Variants in BTG2 observed in about 807,000 individuals in gnomAD.
BTG2 encodes BTG anti-proliferation factor 2.
BTG2 carries 9 observed loss-of-function variants against 13.1 expected under a neutral mutation model. The ratio of observed to expected loss-of-function variants is 0.69; its 90% CI spans 0.41 to 1.20. The LOEUF (loss-of-function observed/expected upper bound fraction) is 1.20. Among genes scored for constraint, BTG2 ranks in the 50% most tolerant of loss-of-function variants. The pLI is 0.00. For missense variants in BTG2, 200 were observed against 209.5 expected, an observed-to-expected ratio of 0.95 and a Z score of 0.28; for synonymous variants, 92 against 88.6, an observed-to-expected ratio of 1.04 and a Z score of -0.21.
intron 1 of BTG2, among the ~76,000 whole-genome samples, chr1:203,306,246 T>C (rs555255400): frequency 6.6e-6 from 1 of 152,294 alleles, no homozygotes; most frequent in Admixed American, 6.5e-5. Flanking sequence ...GCTGACTGGC[T>C]TCAAGTTGGA....
rs56272333 is a variant in BTG2 at position 203,306,848 on chromosome 1, TCACA to T, written c.143-232_143-229del. 2.8e-3 allele frequency among the ~76,000 whole-genome samples: 367 copies of T among 131,412 alleles called. 1 individual carries two copies. Among genetic ancestry groups the T allele is most frequent in the East Asian group, 0.024 (115 of 4,722 alleles). The allele number at this position is 131,412 out of a possible 152,430, so 86.2% of individuals were successfully genotyped here. A position where few individuals can be genotyped will look rare whatever the true frequency, so the allele number is the denominator to read the frequency against. ...CTCTCTCTCACACACACACACTCAGTCACACACACACACACACACACACACACTC... is the reference window on the plus strand; with the variant it reads ...CTCTCTCTCACACACACACACTCAGTCACACACACACACACACACACACTC... On this transcript the variant is annotated intron_variant, in intron 1 of 1. Coordinates refer to ENST00000290551, the MANE Select transcript of BTG2 (RefSeq NM_006763.3).
chr1:203,307,748 C>T lies in BTG2; in HGVS notation c.*310C>T, dbSNP rs1658309513. ...GACCTAGCCAAGGAGAAGTGGGAGA[C>T]GTTTGGCTAGCACCCCAGGAAGATG... On this transcript the variant is annotated 3_prime_UTR_variant, in exon 2 of 2. Transcript: ENST00000290551. 5 of 191,648 alleles carry T rather than the reference C, an allele frequency of 2.6e-5. No homozygotes were observed. Among genetic ancestry groups the T allele is most frequent in the East Asian group, 1.2e-4 (1 of 8,006 alleles). The allele number at this position is 191,648 out of a possible 1,614,324, so 11.9% of individuals were successfully genotyped here.
chr1:203,306,462 C>G (rs1658276310), intron 1 of BTG2, among the ~76,000 whole-genome samples: 1 of 152,074 alleles, frequency 6.6e-6, no homozygotes, highest in Admixed American at 6.5e-5. Context: ...GAAGCGATAG[C>G]CATCTCGGAA....
chr1:203,307,334 G>C lies in BTG2; in HGVS notation c.373G>C (p.Glu125Gln). ...EDGSICVLYEEAPLAASCGLL... is the reference protein window; with the variant it reads ...EDGSICVLYEQAPLAASCGLL... The stretch of plus-strand genomic sequence containing the variant: ...CGGCTCCATCTGCGTCTTGTACGAG[G>C]AGGCCCCACTGGCCGCCTCCTGTGG... Residue 125 changes from glutamate to glutamine, a missense_variant, in exon 2 of 2, where the codon GAG becomes CAG. Glu to Gln is a conservative substitution (Grantham distance 29). Transcript: ENST00000290551. 6.2e-7 allele frequency: 1 copy of C among 1,613,982 alleles called. No homozygotes were observed.
At chr1:203,306,335 C>T (rs571607501) in intron 1 of BTG2, among the ~76,000 whole-genome samples, 2 of 152,198 alleles carry the variant, frequency 1.3e-5, no homozygotes, top group East Asian at 1.9e-4. Flanking sequence ...AGCCTCGTAG[C>T]TCGTGACCCT....
In BTG2 at chr1:203,308,120, G is replaced by C. The variant is rs114151974; in HGVS notation, c.*682G>C. 0.22 allele frequency: 32,878 copies of C among 152,504 alleles called. 4,686 individuals are homozygous for C. The highest frequency in any genetic ancestry group is 0.41 in the African/African-American group (16,991 of 41,406). The allele number at this position is 152,504 out of a possible 1,614,324, so 9.4% of individuals were successfully genotyped here. ...TCTAAAGCTTTGGGTTTTCTGAGGGGGGGGAGGAGGGAACTGGAGGTTATT... is the reference window on the plus strand; with the variant it reads ...TCTAAAGCTTTGGGTTTTCTGAGGGCGGGGAGGAGGGAACTGGAGGTTATT... On this transcript the variant is annotated 3_prime_UTR_variant, in exon 2 of 2. Coordinates refer to ENST00000290551, the MANE Select transcript of BTG2 (RefSeq NM_006763.3).
chr1:203,307,005 T>A, intron 1 of BTG2, 99 bp from the exon 2 acceptor site: 1 of 1,041,154 alleles, frequency 9.6e-7, no homozygotes, highest in Non-Finnish European at 1.4e-6. Flanking sequence ...AGGGCCCCTT[T>A]CTCTCCTCCT....
At chr1:203,306,848 T>A (rs1658289280) in intron 1 of BTG2, among the ~76,000 whole-genome samples, 1 of 131,394 alleles carries the variant, frequency 7.6e-6, no homozygotes, top group Admixed American at 7.3e-5. Flanking sequence ...ACACACTCAG[T>A]CACACACACA....
Position 203,305,766 on chromosome 1 carries a change from G to C in BTG2, c.142+18G>C. ...ACTCACAGGTGAGCGCATGCCGAGG[G>C]GCCTGGCGCCACCGGGGGTCGGCCC... On this transcript the variant is annotated intron_variant, in intron 1 of 1. Coordinates refer to ENST00000290551, the MANE Select transcript of BTG2 (RefSeq NM_006763.3). 1 of 1,538,560 alleles carries C rather than the reference G, an allele frequency of 6.5e-7. No individual in the cohort carries two copies. Among genetic ancestry groups the C allele is most frequent in the South Asian group, 1.2e-5 (1 of 82,726 alleles).
intron 1 of BTG2, 64 bp downstream of exon 1, chr1:203,305,812 T>G (rs544361696): frequency 6.6e-7 from 1 of 1,505,660 alleles, no homozygotes; most frequent in African/African-American, 1.4e-5. Context: ...AGGGCCGTCT[T>G]TCTTCTACTC....
At chr1:203,305,786 C>G (rs1241990979) in intron 1 of BTG2, 38 bp downstream of exon 1, 1 of 1,529,570 alleles carries the variant, frequency 6.5e-7, no homozygotes, top group Admixed American at 2.1e-5. Flanking sequence ...CACCGGGGGT[C>G]GGCCCCATCC....
At position 203,305,739 on chromosome 1, in the gene BTG2, G is replaced by A. The variant is rs1421706286; in HGVS notation, c.133G>A (p.Ala45Thr). The A allele has an allele frequency of 1.9e-6, 3 of 1,547,858 alleles. No individual in the cohort carries two copies. The highest frequency in any genetic ancestry group is 1.4e-5 in the African/African-American group (1 of 72,930). ...LKVFSGALQE[A>T]LTEHYKHHWF... ...GGTCTTCAGCGGGGCGCTCCAGGAG[G>A]CACTCACAGGTGAGCGCATGCCGAG... Residue 45 changes from alanine (A) to threonine (T), a missense_variant, in exon 1 of 2, where the codon GCA becomes ACA. By Grantham distance (58) the Ala-to-Thr change is moderately conservative. Coordinates refer to ENST00000290551, the MANE Select transcript of BTG2 (RefSeq NM_006763.3).
rs982744230 is a variant in BTG2, at chr1:203,309,146, C to G, written c.*1708C>G. 1.3e-5 allele frequency: 2 copies of G among 152,752 alleles called. No individual in the cohort carries two copies. The highest frequency in any genetic ancestry group is 2.4e-5 in the African/African-American group (1 of 41,468). The allele number at this position is 152,752 out of a possible 1,614,324, so 9.5% of individuals were successfully genotyped here. On this transcript the variant is annotated 3_prime_UTR_variant, in exon 2 of 2. Coordinates refer to ENST00000290551, the MANE Select transcript of BTG2 (RefSeq NM_006763.3). ...CTACCCATTCCTGCCAGCTCTGCCT[C>G]CTTTTCAACTCTCCACATTTTGTAT...
At position 203,308,697 on chromosome 1, in the gene BTG2, G is replaced by T. The variant is rs1476429420; in HGVS notation, c.*1259G>T. 6.6e-6 allele frequency: 1 copy of T among 152,606 alleles called. No homozygotes were observed. The highest frequency in any genetic ancestry group is 1.5e-5 in the Non-Finnish European group (1 of 68,036). The allele number at this position is 152,606 out of a possible 1,614,324, so 9.5% of individuals were successfully genotyped here. On this transcript the variant is annotated 3_prime_UTR_variant, in exon 2 of 2. Coordinates refer to ENST00000290551, the MANE Select transcript of BTG2 (RefSeq NM_006763.3). ...GACTACTTGGTATTCTTGTAGGGCCGACACTAAATAAAAGCCAAACCTTGG... is the reference window on the plus strand; with the variant it reads ...GACTACTTGGTATTCTTGTAGGGCCTACACTAAATAAAAGCCAAACCTTGG...
chr1:203,307,145 G>A lies in BTG2; in HGVS notation c.184G>A (p.Gly62Ser). ...CTGGTTTCCCGAAAAGCCGTCCAAG[G>A]GCTCCGGCTACCGCTGCATTCGCAT... The part of the protein sequence containing the change: ...HHWFPEKPSK[G>S]SGYRCIRINH... The change falls in exon 2 of 2, where the codon GGC becomes AGC. Residue 62 changes from glycine to serine, a missense_variant. By Grantham distance (56) the Gly-to-Ser change is moderately conservative (BLOSUM62 0). Transcript: ENST00000290551. The A allele has an allele frequency of 6.2e-7, 1 of 1,614,148 alleles. No individual in the cohort carries two copies. Among genetic ancestry groups the A allele is most frequent in the Non-Finnish European group, 8.5e-7 (1 of 1,180,032 alleles).
intron 1 of BTG2, among the ~76,000 whole-genome samples, chr1:203,306,303 C>A (rs1658270909): frequency 6.6e-6 from 1 of 152,112 alleles, no homozygotes. Flanking sequence ...AGCCATCTGC[C>A]ACCTATTGTG....
chr1:203,308,655 T>C lies in BTG2; in HGVS notation c.*1217T>C, dbSNP rs1658326732. On this transcript the variant is annotated 3_prime_UTR_variant, in exon 2 of 2. Transcript: ENST00000290551. Reference sequence around the variant, plus strand: ...TGTATTCCTTGGCTGAATGGGAGAGTGCCCCATGTTCTGCAAGACTACTTG... The same window carrying C: ...TGTATTCCTTGGCTGAATGGGAGAGCGCCCCATGTTCTGCAAGACTACTTG... 6.6e-6 allele frequency: 1 copy of C among 152,458 alleles called. No homozygotes were observed. The highest frequency in any genetic ancestry group is 2.1e-4 in the South Asian group (1 of 4,822). 9.4% of individuals were successfully genotyped at this position (152,458 alleles called of 1,614,324 possible).
chr1:203,307,486 C>G lies in BTG2; in HGVS notation c.*48C>G. 1.4e-6 allele frequency: 2 copies of G among 1,463,152 alleles called. No individual in the cohort carries two copies. Among genetic ancestry groups the G allele is most frequent in the African/African-American group, 1.4e-5 (1 of 71,244 alleles). 90.6% of individuals were successfully genotyped at this position (1,463,152 alleles called of 1,614,324 possible). A position where few individuals can be genotyped will look rare whatever the true frequency, so the allele number is the denominator to read the frequency against. ...CGCCGCCGTGCTCATGCTGCCGTGA[C>G]AACAGGCCACCACATACCTCAACCT... On this transcript the variant is annotated 3_prime_UTR_variant, in exon 2 of 2. Coordinates refer to ENST00000290551, the MANE Select transcript of BTG2 (RefSeq NM_006763.3).
intron 1 of BTG2, among the ~76,000 whole-genome samples, chr1:203,306,087 C>T (rs1658256186): frequency 6.6e-6 from 1 of 152,110 alleles, no homozygotes; most frequent in Admixed American, 6.5e-5. Flanking sequence ...ATCTTAAGAC[C>T]CTCGATGGAT....
Sources: gnomAD v4.1 joint callset for allele counts (sites outside exome capture counted in the v4.1 genomes callset) on GRCh38, gnomAD v4.1.1 for gene constraint, MANE v1.5 for transcripts, NCBI Gene and HGNC (gene_info 2026-07-23, HGNC 2026-07-21) for gene names.